UHRF2: variants seen among roughly 807,000 people sequenced by gnomAD.
The protein encoded by UHRF2 is E3 ubiquitin-protein ligase UHRF2.
UHRF2 carries 23 observed loss-of-function variants against 96.8 expected under a neutral mutation model. The ratio of observed to expected loss-of-function variants is 0.24; its 90% confidence interval spans 0.17 to 0.34. The LOEUF (loss-of-function observed/expected upper bound fraction) is 0.34, where lower values mean the gene tolerates loss of function less well. Among genes scored for constraint, UHRF2 ranks in the 10% least tolerant of loss-of-function variants. The pLI is 1.00. For synonymous variants in UHRF2, 385 were observed against 332.6 expected, an observed-to-expected ratio of 1.16 and a Z score of -1.72; for missense variants, 685 against 981.5, an observed-to-expected ratio of 0.70 and a Z score of 4.04.
intron 9 of UHRF2, among the ~76,000 whole-genome samples, chr9:6,493,365 C>T (rs764104761): frequency 8.6e-5 from 13 of 151,924 alleles, no homozygotes; most frequent in Non-Finnish European, 1.6e-4. Context: ...TTGTCAATGC[C>T]AGAATTTGAA....
intron 15 of UHRF2, among the ~76,000 whole-genome samples, chr9:6,505,336 T>C (rs1816527355): frequency 6.6e-6 from 1 of 152,104 alleles, no homozygotes; most frequent in African/African-American, 2.4e-5. Context: ...CACTCTGTCG[T>C]TCAGGGTAGA....
rs376982666 is a variant in UHRF2 at position 6,493,846 on chromosome 9, A to G, written c.1518A>G (p.Thr506=). The G allele has an allele frequency of 3.7e-6, 6 of 1,614,004 alleles. No homozygotes were observed. The highest frequency in any genetic ancestry group is 4.2e-6 in the Non-Finnish European group (5 of 1,179,940). Residue 506 remains threonine, a synonymous_variant, in exon 10 of 16, where the codon ACA becomes ACG. Coordinates refer to ENST00000276893, the MANE Select transcript of UHRF2 (RefSeq NM_152896.3). ...ADEVDRGDEF[T]YTGSGGKNLA... ...GACAGGACCGAGGTGATGAGTTCAC[A>G]TACACTGGAAGCGGTGGTAAAAATC... is the stretch of plus-strand genomic sequence containing the variant.
intron 14 of UHRF2, among the ~76,000 whole-genome samples, chr9:6,503,291 T>G (rs1450812894): frequency 6.6e-6 from 1 of 152,200 alleles, no homozygotes. Flanking sequence ...CCACCATGCT[T>G]GGCCTTAACT....
At chr9:6,468,744 A>C (rs1186546751) in intron 4 of UHRF2, 3 of 453,286 alleles carry the variant, frequency 6.6e-6, no homozygotes, top group Non-Finnish European at 1.3e-5. Context: ...GAAGGCATAC[A>C]CTGGATTTTA....
intron 1 of UHRF2, among the ~76,000 whole-genome samples, chr9:6,414,748 A>T (rs1220275329): frequency 6.6e-6 from 1 of 152,330 alleles, no homozygotes; most frequent in African/African-American, 2.4e-5. Flanking sequence ...TCACAGGCTT[A>T]GTCTTCGAAG....
At chr9:6,480,345 G>A (rs1823846828) in intron 6 of UHRF2, among the ~76,000 whole-genome samples, 1 of 152,124 alleles carries the variant, frequency 6.6e-6, no homozygotes, top group Non-Finnish European at 1.5e-5. Flanking sequence ...TCACTACTAT[G>A]TACAAACATT....
rs771917492 is a variant in UHRF2 at position 6,477,731 on chromosome 9, G to A, written c.1083G>A (p.Leu361=). 5.0e-6 allele frequency: 8 copies of A among 1,614,008 alleles called. No individual in the cohort carries two copies. Among genetic ancestry groups the A allele is most frequent in the Non-Finnish European group, 6.8e-6 (8 of 1,179,990 alleles). Residue 361 remains leucine, a synonymous_variant, in exon 6 of 16, where the codon CTG becomes CTA. Transcript: ENST00000276893. ...AACATGAACCCAACATGCAGCTTCT[G>A]TGTGATGAATGTAATGTGGCTTATC... ...GGKHEPNMQL[L]CDECNVAYHI...
chr9:6,482,376 G>A (rs370175283), intron 8 of UHRF2, among the ~76,000 whole-genome samples: 8 of 152,098 alleles, frequency 5.3e-5, no homozygotes, highest in African/African-American at 1.9e-4. Context: ...AGCCTTTCCT[G>A]CCAAAAATTT....
intron 2 of UHRF2, among the ~76,000 whole-genome samples, chr9:6,432,602 G>A (rs1284736613): frequency 6.6e-6 from 1 of 152,126 alleles, no homozygotes; most frequent in African/African-American, 2.4e-5. Flanking sequence ...ACTTCTTAGG[G>A]TTAGACATAT....
intron 11 of UHRF2, 58 bp downstream of exon 11, chr9:6,497,418 T>A: frequency 6.3e-7 from 1 of 1,587,656 alleles, no homozygotes; most frequent in Non-Finnish European, 8.6e-7. Context: ...CAAGGCAGGG[T>A]TGTTGCAAGG....
At chr9:6,471,802 A>C (rs1490116687) in intron 4 of UHRF2, among the ~76,000 whole-genome samples, 1 of 152,164 alleles carries the variant, frequency 6.6e-6, no homozygotes, top group Non-Finnish European at 1.5e-5. Flanking sequence ...TGGTCGGTTA[A>C]AGCTCCATTC....
intron 9 of UHRF2, among the ~76,000 whole-genome samples, chr9:6,490,238 T>C (rs1824577631): frequency 1.3e-5 from 2 of 152,212 alleles, no homozygotes; most frequent in African/African-American, 4.8e-5. Context: ...AGAAATAGTA[T>C]TTTATGTGGA....
chr9:6,497,057 T>C, intron 10 of UHRF2, 141 bp from the exon 11 acceptor site: 3 of 813,998 alleles, frequency 3.7e-6, no homozygotes, highest in Non-Finnish European at 5.5e-6. Flanking sequence ...AGCATAATCC[T>C]ATTATCTGGA....
chr9:6,489,797 G>A (rs1023644988), intron 9 of UHRF2, among the ~76,000 whole-genome samples: 1 of 139,346 alleles, frequency 7.2e-6, no homozygotes, highest in African/African-American at 2.7e-5. Context: ...TTCATGGATT[G>A]TTACAAAGAT....
At chr9:6,453,956 A>G (rs1381767362) in intron 3 of UHRF2, among the ~76,000 whole-genome samples, 1 of 152,170 alleles carries the variant, frequency 6.6e-6, no homozygotes, top group Non-Finnish European at 1.5e-5. Flanking sequence ...AACTATAGAC[A>G]TAATTTTGTA....
At chr9:6,448,372 A>G (rs1471955482) in intron 3 of UHRF2, among the ~76,000 whole-genome samples, 2 of 152,238 alleles carry the variant, frequency 1.3e-5, no homozygotes, top group African/African-American at 4.8e-5. Flanking sequence ...TGTAAAAAAT[A>G]TTGATTTTAC....
At chr9:6,440,461 T>C (rs1821094769) in intron 3 of UHRF2, among the ~76,000 whole-genome samples, 1 of 152,200 alleles carries the variant, frequency 6.6e-6, no homozygotes, top group African/African-American at 2.4e-5. Context: ...GTATTGTGAT[T>C]CAGCACAGAC....
intron 2 of UHRF2, among the ~76,000 whole-genome samples, chr9:6,432,959 G>A (rs867247443): frequency 6.6e-6 from 1 of 152,012 alleles, no homozygotes; most frequent in Middle Eastern, 3.4e-3. Context: ...TCCTGCCTTA[G>A]CCTCCTGAAT....
At chr9:6,493,024 G>A (rs748483188) in intron 9 of UHRF2, among the ~76,000 whole-genome samples, 6 of 152,074 alleles carry the variant, frequency 3.9e-5, no homozygotes, top group African/African-American at 1.2e-4. Context: ...AAGCCAGGGC[G>A]CAGTGGGTCA....
Sources: allele counts gnomAD v4.1 joint callset (sites outside exome capture counted in the v4.1 genomes callset), GRCh38; gene constraint gnomAD v4.1.1; transcripts MANE v1.5; gene names NCBI Gene and HGNC (gene_info 2026-07-23, HGNC 2026-07-21).